Variants in DOCK1 observed in about 807,000 individuals in gnomAD.
The protein encoded by DOCK1 is dedicator of cytokinesis protein 1.
DOCK1 carries 138 observed loss-of-function variants against 262.7 expected under a neutral mutation model. That is an observed-to-expected ratio of 0.53 (90% CI 0.46 to 0.61). The LOEUF (loss-of-function observed/expected upper bound fraction) is 0.61. Among genes scored for constraint, DOCK1 ranks in the 20% least tolerant of loss-of-function variants. DOCK1 has a pLI of 0.00. For synonymous variants in DOCK1, 866 were observed against 867.4 expected (o/e 1.00, Z 0.03); for missense variants, 1,908 against 2,370.7 (o/e 0.80, Z 4.05).
chr10:127,219,947 G>T (rs2058363293), intron 27 of DOCK1, among the ~76,000 whole-genome samples: 1 of 152,160 alleles, frequency 6.6e-6, no homozygotes, highest in South Asian at 2.1e-4. Flanking sequence ...TCACAGGATA[G>T]TCTTACTTAC....
chr10:127,392,892 G>A (rs1347580309), intron 38 of DOCK1, among the ~76,000 whole-genome samples: 1 of 152,140 alleles, frequency 6.6e-6, no homozygotes, highest in African/African-American at 2.4e-5. Flanking sequence ...TGGATCAGAC[G>A]GAGACAAATT....
At chr10:127,298,812 T>C (rs1288750837) in intron 29 of DOCK1, among the ~76,000 whole-genome samples, 1 of 152,192 alleles carries the variant, frequency 6.6e-6, no homozygotes, top group Non-Finnish European at 1.5e-5. Context: ...AGAGCTTTTC[T>C]GCATTTTGAC....
intron 1 of DOCK1, among the ~76,000 whole-genome samples, chr10:126,966,150 A>G (rs1052127726): frequency 6.6e-6 from 1 of 152,128 alleles, no homozygotes; most frequent in South Asian, 2.1e-4. Flanking sequence ...TATTTCACTT[A>G]ATGTCCTCCA....
chr10:127,057,615 C>T lies in DOCK1; in HGVS notation c.2337-4053C>T, dbSNP rs1024821773. Among the ~76,000 whole-genome samples the T allele has an allele frequency of 3.2e-4, 48 of 152,210 alleles. 1 individual carries two copies. Among genetic ancestry groups the T allele is most frequent in the African/African-American group, 1.1e-3 (45 of 41,462 alleles). On this transcript the variant is annotated intron_variant, in intron 22 of 51. Coordinates refer to ENST00000623213, the MANE Select transcript of DOCK1 (RefSeq NM_001290223.2). Reference sequence around the variant, plus strand: ...GAAAGATTCCTGACAGCCGGGGGCACTTCTCTACTGGTTTTTGTTTGTCTG... The same window carrying T: ...GAAAGATTCCTGACAGCCGGGGGCATTTCTCTACTGGTTTTTGTTTGTCTG...
At chr10:127,190,353 C>T (rs1410395376) in intron 27 of DOCK1, among the ~76,000 whole-genome samples, 1 of 152,260 alleles carries the variant, frequency 6.6e-6, no homozygotes, top group East Asian at 1.9e-4. Flanking sequence ...TTAATTCCTG[C>T]TACACAAAAA....
intron 29 of DOCK1, among the ~76,000 whole-genome samples, chr10:127,329,889 A>G (rs1325103806): frequency 1.3e-5 from 2 of 152,118 alleles, no homozygotes; most frequent in African/African-American, 4.8e-5. Flanking sequence ...ACTGTTAGTG[A>G]TGACAGGCTT....
rs1296731284 is a variant in DOCK1 at position 127,446,773 on chromosome 10, G to C, written c.5414-621G>C. 4.6e-5 allele frequency among the ~76,000 whole-genome samples: 7 copies of C among 152,062 alleles called. No homozygotes were observed. The highest frequency in any genetic ancestry group is 1.5e-5 in the Non-Finnish European group (1 of 68,014). On this transcript the variant is annotated intron_variant, in intron 50 of 51. Coordinates refer to ENST00000623213, the MANE Select transcript of DOCK1 (RefSeq NM_001290223.2). This position sits in a 1 kb window ranked among gnomAD's most constrained non-coding sequence, Gnocchi z 4.4. ...ATCCTGCCTTAATGATTATTCCTCC[G>C]TTTGAAAACGGCTATTTTTTCCAGT...
At chr10:127,428,640 TG>T (rs1274796565) in intron 47 of DOCK1, among the ~76,000 whole-genome samples, 2 of 149,996 alleles carry the variant, frequency 1.3e-5, no homozygotes, top group African/African-American at 2.4e-5. Flanking sequence ...TCATGTGGAT[TG>T]GAGTGCCGTG....
chr10:127,151,873 G>A (rs185447935), intron 27 of DOCK1, among the ~76,000 whole-genome samples: 6 of 152,264 alleles, frequency 3.9e-5, no homozygotes, highest in Non-Finnish European at 8.8e-5. Flanking sequence ...GTGACCACTC[G>A]AGTCATTCCT....
intron 10 of DOCK1, among the ~76,000 whole-genome samples, chr10:127,004,256 G>GAAAAC (rs1179928655): frequency 6.7e-6 from 1 of 149,348 alleles, no homozygotes; most frequent in Non-Finnish European, 1.5e-5. Flanking sequence ...AAAAAGAAAA[G>GAAAAC]AAAACAAAAC....
intron 10 of DOCK1, 30 bp from the exon 11 acceptor site, chr10:127,008,702 A>G (rs1207834121): frequency 6.4e-7 from 1 of 1,556,512 alleles, no homozygotes; most frequent in Non-Finnish European, 8.7e-7. Context: ...ATTTAAGCCA[A>G]AACAATCTCT....
intron 22 of DOCK1, among the ~76,000 whole-genome samples, chr10:127,060,609 G>T (rs2045468955): frequency 6.6e-6 from 1 of 152,206 alleles, no homozygotes; most frequent in African/African-American, 2.4e-5. Context: ...ATTTTAAAAT[G>T]CAAATGTGTT....
intron 23 of DOCK1, among the ~76,000 whole-genome samples, chr10:127,083,215 A>G (rs1163360493): frequency 6.6e-6 from 1 of 152,204 alleles, no homozygotes; most frequent in African/African-American, 2.4e-5. Context: ...AGGTTCCAAC[A>G]CTTTCTGGAC....
intron 43 of DOCK1, among the ~76,000 whole-genome samples, chr10:127,411,322 A>T (rs1290575086): frequency 1.3e-5 from 2 of 152,050 alleles, no homozygotes; most frequent in African/African-American, 4.8e-5. Context: ...TCAGCACATG[A>T]ACTGGATCTG....
intron 33 of DOCK1, among the ~76,000 whole-genome samples, chr10:127,369,369 A>G (rs368591553): frequency 2.6e-5 from 4 of 152,296 alleles, no homozygotes; most frequent in East Asian, 1.9e-4. Context: ...GTTTCATTGA[A>G]TCCAGACCCA....
intron 23 of DOCK1, among the ~76,000 whole-genome samples, chr10:127,101,363 T>C (rs1022632950): frequency 6.6e-6 from 1 of 152,102 alleles, no homozygotes; most frequent in Non-Finnish European, 1.5e-5. Context: ...CCTCTCCTCA[T>C]GTTTCTTCTG....
chr10:127,396,754 CAAAAAAA>C (rs372642343), intron 38 of DOCK1, among the ~76,000 whole-genome samples: 1,869 of 134,168 alleles, frequency 0.014, 21 homozygotes, highest in Non-Finnish European at 0.017. Context: ...ATCTCTGTTA[CAAAAAAA>C]AAAAAAAAAA....
chr10:127,220,823 G>A (rs2058405869), intron 27 of DOCK1, among the ~76,000 whole-genome samples: 1 of 150,062 alleles, frequency 6.7e-6, no homozygotes, highest in African/African-American at 2.5e-5. Flanking sequence ...GTTCTCTTTT[G>A]AATACTCTGC....
intron 27 of DOCK1, among the ~76,000 whole-genome samples, chr10:127,222,883 C>G (rs2058494227): frequency 6.6e-6 from 1 of 152,214 alleles, no homozygotes; most frequent in South Asian, 2.1e-4. Context: ...CACTGTGTTG[C>G]CCAGACTGGT....
Sources: allele counts gnomAD v4.1 joint callset (sites outside exome capture counted in the v4.1 genomes callset), GRCh38; gene constraint gnomAD v4.1.1; non-coding constraint Gnocchi (gnomAD v3.1); transcripts MANE v1.5; gene names NCBI Gene and HGNC (gene_info 2026-07-23, HGNC 2026-07-21).